The following RNF216 variants were observed in gnomAD, a reference collection of about 807,000 sequenced individuals.
RNF216 encodes ring finger protein 216.
Under a neutral mutation model 110.8 loss-of-function variants are expected in RNF216, and 72 were observed. The ratio of observed to expected loss-of-function variants is 0.65; its 90% CI spans 0.54 to 0.79. The LOEUF is 0.79. Among genes scored for constraint, RNF216 ranks in the 30% least tolerant of loss-of-function variants. The pLI is 0.00. For missense variants in RNF216, 1,342 were observed against 1,141.2 expected (o/e 1.18, Z -2.54); for synonymous variants, 495 against 407.5 (o/e 1.21, Z -2.59).
At chr7:5,707,118 A>G (rs1358603097) in intron 13 of RNF216, among the ~76,000 whole-genome samples, 1 of 152,188 alleles carries the variant, frequency 6.6e-6, no homozygotes, top group Non-Finnish European at 1.5e-5. Flanking sequence ...GCACTGTATT[A>G]TGTTCCATTG....
In RNF216 at chr7:5,652,133, C is replaced by T. The variant is rs58797144; in HGVS notation, c.2159+280G>A. On this transcript the variant is annotated intron_variant, in intron 14 of 16. Coordinates refer to ENST00000389902, the MANE Select transcript of RNF216 (RefSeq NM_207111.4). The stretch of plus-strand genomic sequence containing the variant: ...AGTGCAGTCTAAGTTAATTAAAACG[C>T]GTTACTTGCTTATTTAGAAAATAAG... Among the ~76,000 whole-genome samples the T allele has an allele frequency of 7.6e-3, 1,154 of 152,132 alleles. 9 individuals carry two copies. Among genetic ancestry groups the T allele is most frequent in the African/African-American group, 0.025 (1,034 of 41,488 alleles).
Position 5,711,773 on chromosome 7 carries a change from A to C in RNF216, c.2049T>G (p.Pro683=). The change falls in exon 13 of 17, where the codon CCT becomes CCG. Residue 683 remains proline (P), a synonymous_variant. Transcript: ENST00000389902. ...SDVKRFSCPN[P]HCRKETCRKC... is the part of the protein sequence containing the mutation. ...TGTGCCTCCCTACCTTTCGGCAGTGAGGATTAGGACAGCTGAACCTCTTCA... is the reference window on the plus strand; with the variant it reads ...TGTGCCTCCCTACCTTTCGGCAGTGCGGATTAGGACAGCTGAACCTCTTCA... The C allele has an allele frequency of 6.2e-7, 1 of 1,613,510 alleles. No homozygotes were observed. Among genetic ancestry groups the C allele is most frequent in the Non-Finnish European group, 8.5e-7 (1 of 1,179,756 alleles).
At chr7:5,643,673 G>A (rs1309687079) in intron 14 of RNF216, among the ~76,000 whole-genome samples, 2 of 152,200 alleles carry the variant, frequency 1.3e-5, no homozygotes, top group Non-Finnish European at 2.9e-5. Context: ...TTCTTTTGCT[G>A]TGGTAAAATG....
chr7:5,725,252 C>T, intron 8 of RNF216, 72 bp downstream of exon 8: 2 of 900,572 alleles, frequency 2.2e-6, no homozygotes, highest in Non-Finnish European at 3.6e-6. Flanking sequence ...AGCACGGCTT[C>T]CTTCACTGAC....
chr7:5,647,190 G>T (rs539439993), intron 14 of RNF216, among the ~76,000 whole-genome samples: 18 of 151,982 alleles, frequency 1.2e-4, no homozygotes, highest in Admixed American at 5.2e-4. Flanking sequence ...TGGGAGATAG[G>T]AGTTTTTGGA....
At chr7:5,692,655 C>T (rs1562397379) in intron 13 of RNF216, among the ~76,000 whole-genome samples, 1 of 152,220 alleles carries the variant, frequency 6.6e-6, no homozygotes, top group Non-Finnish European at 1.5e-5. Context: ...CCCTCGCCTC[C>T]AGCCCGAGGC....
At chr7:5,716,688 G>C in intron 10 of RNF216, 28 bp downstream of exon 10, 1 of 1,561,244 alleles carries the variant, frequency 6.4e-7, no homozygotes, top group Non-Finnish European at 8.7e-7. Flanking sequence ...AAAATGCCCA[G>C]AATAAACAAG....
At chr7:5,639,147 C>G (rs1197713249) in intron 15 of RNF216, among the ~76,000 whole-genome samples, 2 of 152,160 alleles carry the variant, frequency 1.3e-5, no homozygotes, top group Non-Finnish European at 2.9e-5. Flanking sequence ...TGACCTGTTG[C>G]AGCTTCTGGA....
intron 3 of RNF216, among the ~76,000 whole-genome samples, chr7:5,750,429 G>A (rs1795269406): frequency 6.6e-6 from 1 of 152,198 alleles, no homozygotes; most frequent in Non-Finnish European, 1.5e-5. Context: ...GTCTTACTGT[G>A]ATTATCTTTG....
At chr7:5,748,522 G>C (rs1241287604) in intron 3 of RNF216, among the ~76,000 whole-genome samples, 1 of 152,044 alleles carries the variant, frequency 6.6e-6, no homozygotes, top group Admixed American at 6.6e-5. Flanking sequence ...GATTATAGGC[G>C]TGAGCCACCG....
At chr7:5,644,664 C>T (rs1787943906) in intron 14 of RNF216, among the ~76,000 whole-genome samples, 1 of 151,852 alleles carries the variant, frequency 6.6e-6, no homozygotes, top group Admixed American at 6.6e-5. Flanking sequence ...ACCACCATGC[C>T]CAGTTAATTT....
chr7:5,742,424 C>T (rs1794807536), intron 3 of RNF216, among the ~76,000 whole-genome samples: 1 of 151,992 alleles, frequency 6.6e-6, no homozygotes, highest in Admixed American at 6.6e-5. Flanking sequence ...AATGCTAACA[C>T]ATCAGAAGAA....
At chr7:5,693,560 C>T (rs1053603451) in intron 13 of RNF216, among the ~76,000 whole-genome samples, 1 of 152,154 alleles carries the variant, frequency 6.6e-6, no homozygotes, top group African/African-American at 2.4e-5. Context: ...AAGAAGCCGG[C>T]ATGAAGAAGC....
At chr7:5,663,396 C>T (rs142450156) in intron 13 of RNF216, among the ~76,000 whole-genome samples, 3,956 of 151,710 alleles carry the variant, frequency 0.026, 70 homozygotes, top group Non-Finnish European at 0.041. Flanking sequence ...CTGGCTAACA[C>T]GGTGAAACCC....
At chr7:5,771,875 C>T (rs1046220477) in intron 1 of RNF216, among the ~76,000 whole-genome samples, 6 of 151,996 alleles carry the variant, frequency 3.9e-5, no homozygotes, top group Admixed American at 6.6e-5. Context: ...CCCGAGGAAA[C>T]GCAAAAGGCC....
chr7:5,765,666 G>A (rs1796165769), intron 1 of RNF216, among the ~76,000 whole-genome samples: 1 of 151,458 alleles, frequency 6.6e-6, no homozygotes, highest in Admixed American at 6.6e-5. Context: ...ACATGGGGCT[G>A]GCATGGTGGC....
chr7:5,741,521 C>T lies in RNF216; in HGVS notation c.496G>A (p.Ala166Thr), dbSNP rs1794756694. ...PKPGPSHNQA[A>T]NDIVNPRSEQ... is the part of the protein sequence containing the mutation. ...GATCTGGGGTTGACAATGTCATTTG[C>T]TGCTTGGTTATGACTCGGTCCAGGC... Residue 166 changes from alanine (A) to threonine (T), a missense_variant, in exon 4 of 17, where the codon GCA (alanine) becomes ACA (threonine). Ala to Thr is a moderately conservative substitution (Grantham distance 58). Coordinates refer to ENST00000389902, the MANE Select transcript of RNF216 (RefSeq NM_207111.4). 2.5e-6 allele frequency: 4 copies of T among 1,614,160 alleles called. No homozygotes were observed. The African/African-American group carries it at 5.3e-5, about 22-fold the overall frequency.
At chr7:5,762,349 C>A (rs1795978402) in intron 1 of RNF216, among the ~76,000 whole-genome samples, 1 of 151,632 alleles carries the variant, frequency 6.6e-6, no homozygotes, top group African/African-American at 2.4e-5. Context: ...ATGGTGAAAC[C>A]CCATCTCTAT....
intron 15 of RNF216, among the ~76,000 whole-genome samples, chr7:5,625,775 C>T (rs1451588893): frequency 6.6e-6 from 1 of 152,204 alleles, no homozygotes; most frequent in Admixed American, 6.5e-5. Flanking sequence ...TTAGATAACA[C>T]ATTCCCTTGG....
Sources: allele counts gnomAD v4.1 joint callset (sites outside exome capture counted in the v4.1 genomes callset), GRCh38; gene constraint gnomAD v4.1.1; transcripts MANE v1.5; gene names NCBI Gene and HGNC (gene_info 2026-07-23, HGNC 2026-07-21).